RASSF4: variants seen among roughly 807,000 people sequenced by gnomAD.
The protein encoded by RASSF4 is ras association domain-containing protein 4.
A neutral mutation model predicts 41.1 loss-of-function variants in RASSF4; 38 were observed. The ratio of observed to expected loss-of-function variants is 0.92; its 90% confidence interval spans 0.71 to 1.21. The LOEUF is 1.21. Among genes scored for constraint, RASSF4 ranks in the 50% most tolerant of loss-of-function variants. The pLI, the probability that RASSF4 is intolerant of heterozygous loss-of-function variation, is 0.00. For synonymous variants in RASSF4, 179 were observed against 163.4 expected (o/e 1.10, Z -0.73); for missense variants, 414 against 419.4 (o/e 0.99, Z 0.11).
intron 3 of RASSF4, among the ~76,000 whole-genome samples, chr10:44,974,569 G>A (rs1307957798): frequency 6.6e-6 from 1 of 152,190 alleles, no homozygotes; most frequent in African/African-American, 2.4e-5. Flanking sequence ...GGGGCTCTCA[G>A]GCTGGCGAAG....
intron 10 of RASSF4, among the ~76,000 whole-genome samples, chr10:44,992,864 G>A (rs1842167991): frequency 6.6e-6 from 1 of 152,190 alleles, no homozygotes; most frequent in Non-Finnish European, 1.5e-5. Context: ...AGATTTGAGA[G>A]CTGAAAGGGA....
chr10:44,991,079 G>A lies in RASSF4; in HGVS notation c.807+10G>A, dbSNP rs1842092693. On this transcript the variant is annotated intron_variant, in intron 9 of 10. Coordinates refer to ENST00000340258, the MANE Select transcript of RASSF4 (RefSeq NM_032023.4). ...GGAAGTCCCCCATGAAGTGAGTGGGGGCCAAGGCTGGGGAGGCCTGCTCTA... is the reference window on the plus strand; with the variant it reads ...GGAAGTCCCCCATGAAGTGAGTGGGAGCCAAGGCTGGGGAGGCCTGCTCTA... 1.9e-6 allele frequency: 3 copies of A among 1,609,012 alleles called. No homozygotes were observed. In the African/African-American group the frequency reaches 4.0e-5, roughly 21 times the overall value.
intron 5 of RASSF4, 148 bp from the exon 6 acceptor site, chr10:44,984,659 AATATCC>A: frequency 1.2e-6 from 1 of 836,846 alleles, no homozygotes; most frequent in South Asian, 1.6e-5. Context: ...GCAAGCTGGG[AATATCC>A]AGCCTCCAGT....
intron 3 of RASSF4, chr10:44,977,193 T>G: frequency 3.2e-6 from 2 of 619,448 alleles, no homozygotes; most frequent in Non-Finnish European, 5.4e-6. Context: ...GCGAACGGGA[T>G]TGGTAACATC....
At chr10:44,970,502 T>G in intron 2 of RASSF4, 1 of 555,228 alleles carries the variant, frequency 1.8e-6, no homozygotes, top group Admixed American at 3.3e-5. Flanking sequence ...GCAGGCACTT[T>G]ATACGAAATA....
chr10:44,967,892 T>C (rs1048397558), intron 1 of RASSF4, among the ~76,000 whole-genome samples: 1 of 152,134 alleles, frequency 6.6e-6, no homozygotes, highest in Non-Finnish European at 1.5e-5. Flanking sequence ...CAACATGGAC[T>C]GGGGCTTTTC....
chr10:44,991,092 G>A (rs533789175), intron 9 of RASSF4, 23 bp downstream of exon 9: 4 of 1,605,998 alleles, frequency 2.5e-6, no homozygotes, highest in Non-Finnish European at 2.6e-6. Flanking sequence ...CAAGGCTGGG[G>A]AGGCCTGCTC....
In RASSF4 at chr10:44,991,074, G is replaced by A. The variant is rs1328191371; in HGVS notation, c.807+5G>A. The A allele has an allele frequency of 1.9e-6, 3 of 1,610,430 alleles. No individual in the cohort carries two copies. Among genetic ancestry groups the A allele is most frequent in the Non-Finnish European group, 2.5e-6 (3 of 1,177,722 alleles). The stretch of plus-strand genomic sequence containing the variant: ...GGCGTGGAAGTCCCCCATGAAGTGA[G>A]TGGGGGCCAAGGCTGGGGAGGCCTG... On this transcript the variant is annotated splice_donor_5th_base_variant and intron_variant, in intron 9 of 10. Transcript: ENST00000340258.
chr10:44,990,826 G>A (rs1175946494), intron 8 of RASSF4, 122 bp from the exon 9 acceptor site: 8 of 951,154 alleles, frequency 8.4e-6, no homozygotes, highest in South Asian at 3.3e-5. Flanking sequence ...CGCTGTTAGC[G>A]AGGTCTGTGT....
chr10:44,992,741 C>T (rs931343715), intron 10 of RASSF4, among the ~76,000 whole-genome samples: 2 of 152,138 alleles, frequency 1.3e-5, no homozygotes, highest in African/African-American at 4.8e-5. Context: ...TTGAATGACC[C>T]GTGGAAAGCC....
chr10:44,989,587 G>A, intron 7 of RASSF4, 83 bp from the exon 8 acceptor site: 2 of 1,238,510 alleles, frequency 1.6e-6, no homozygotes, highest in Middle Eastern at 1.9e-4. Flanking sequence ...TGTTACTGGG[G>A]GTGTAGTTAC....
At chr10:44,984,618 G>A in intron 5 of RASSF4, 195 bp from the exon 6 acceptor site, 1 of 644,890 alleles carries the variant, frequency 1.6e-6, no homozygotes, top group Non-Finnish European at 2.7e-6. Context: ...TGTGACCCAG[G>A]TTACCCTGTC....
chr10:44,978,983 T>A (rs1160102481), intron 3 of RASSF4, among the ~76,000 whole-genome samples: 1 of 152,016 alleles, frequency 6.6e-6, no homozygotes, highest in African/African-American at 2.4e-5. Context: ...GGCTGGGGAA[T>A]GTTTACGCTG....
In RASSF4 at chr10:44,990,959, T is replaced by C. The variant is rs142266476; in HGVS notation, c.697T>C (p.Leu233=). 76 of 1,612,860 alleles carry C rather than the reference T, an allele frequency of 4.7e-5. 1 individual carries two copies. The Admixed American group carries it at 1.2e-3, about 26-fold the overall frequency. The part of the protein sequence containing the change: ...IVHESGERTK[L]KDCEYPLISR... ...ACCTTCTTTTTCAGAGCGGACAAAA[T>C]TAAAAGACTGCGAGTACCCGCTGAT... The change falls in exon 9 of 11, where the codon TTA becomes CTA. Residue 233 remains leucine, a synonymous_variant. Transcript: ENST00000340258.
intron 3 of RASSF4, among the ~76,000 whole-genome samples, chr10:44,979,848 G>A (rs1167670069): frequency 2.0e-5 from 3 of 152,124 alleles, no homozygotes; most frequent in African/African-American, 7.2e-5. Context: ...AAGGATCGCT[G>A]CAGCTGCTGG....
chr10:44,969,134 ATGTG>A (rs1841038486), intron 1 of RASSF4, among the ~76,000 whole-genome samples: 1 of 149,448 alleles, frequency 6.7e-6, no homozygotes, highest in Non-Finnish European at 1.5e-5. Context: ...GTGTGTATGT[ATGTG>A]TGTGTGAAGC....
intron 10 of RASSF4, among the ~76,000 whole-genome samples, chr10:44,992,557 A>G (rs1842155344): frequency 6.6e-6 from 1 of 152,186 alleles, no homozygotes; most frequent in Non-Finnish European, 1.5e-5. Flanking sequence ...CGGATGCATG[A>G]GTTAGCCAGG....
chr10:44,977,360 T>C (rs1020934984), intron 3 of RASSF4: 1 of 1,526,148 alleles, frequency 6.6e-7, no homozygotes. Flanking sequence ...AGACCCAGCA[T>C]GCTCTCTACA....
At chr10:44,974,216 T>C (rs1248083806) in intron 3 of RASSF4, among the ~76,000 whole-genome samples, 5 of 152,102 alleles carry the variant, frequency 3.3e-5, no homozygotes, top group Admixed American at 3.3e-4. Flanking sequence ...CAGGCCAGTC[T>C]CTCCTCAGGC....
Sources: allele counts gnomAD v4.1 joint callset (sites outside exome capture counted in the v4.1 genomes callset), GRCh38; gene constraint gnomAD v4.1.1; transcripts MANE v1.5; gene names NCBI Gene and HGNC (gene_info 2026-07-23, HGNC 2026-07-21).